Variants in PERM1 observed in about 807,000 individuals in gnomAD.
The protein encoded by PERM1 is PPARGC1 and ESRR induced regulator, muscle 1.
A neutral mutation model predicts 44.1 loss-of-function variants in PERM1; 45 were observed. The observed-to-expected ratio is 1.02, with a 90% CI of 0.80 to 1.31. The LOEUF is 1.31. PERM1 is among the 50% of genes most tolerant of loss of function. The probability of loss-of-function intolerance (pLI) is 0.00; values close to 1 mark genes in which losing one functional copy is unlikely to be tolerated. For missense variants in PERM1, 1,189 were observed against 1,106.9 expected, an observed-to-expected ratio of 1.07 and a Z score of -1.05; for synonymous variants, 565 against 477.1, an observed-to-expected ratio of 1.18 and a Z score of -2.40.
At chr1:979,533 G>A (rs1315303903) in exon 1 of PERM1, 2 of 1,549,878 alleles carry the variant, frequency 1.3e-6, no homozygotes, top group African/African-American at 1.4e-5. Context: ...TCTTCTTCCT[G>A]GGGACTTGGG....
rs1456760774 is a variant in PERM1, at chr1:980,090, C to T, written c.940G>A (p.Ala314Thr). The T allele has an allele frequency of 3.9e-6, 6 of 1,549,864 alleles. No homozygotes were observed. The South Asian group carries it at 7.1e-5, about 18-fold the overall frequency. The change falls in exon 1 of 3, where the codon GCT becomes ACT. Residue 314 changes from alanine (A) to threonine (T), a missense_variant. Around this residue, in one of 3 missense-constraint regions of PERM1, gnomAD observed 900 missense variants for 760.4 expected, o/e 1.18. Coordinates refer to ENST00000433179, the Ensembl canonical transcript of PERM1. Reference sequence around the variant, plus strand: ...GGCTCGGAGGCAGGTGTAGACACAGCCATGTCCCTGTCAGGTTGCGGCTCG... The same window carrying T: ...GGCTCGGAGGCAGGTGTAGACACAGTCATGTCCCTGTCAGGTTGCGGCTCG...
chr1:978,183 A>C (rs1309335171), intron 1 of PERM1, among the ~76,000 whole-genome samples: 1 of 113,290 alleles, frequency 8.8e-6, no homozygotes, highest in Non-Finnish European at 1.8e-5. Flanking sequence ...GCCCCACCCT[A>C]ACCCTGCACA....
chr1:979,875 A>G, exon 1 of PERM1: 2 of 1,549,268 alleles, frequency 1.3e-6, no homozygotes, highest in Non-Finnish European at 1.7e-6. Flanking sequence ...GTGTAGACAG[A>G]GCCACACTGG....
Position 979,298 on chromosome 1 carries a change from C to T in PERM1, c.1732G>A (p.Val578Met), listed in dbSNP as rs1331913555. 18 of 1,543,920 alleles carry T rather than the reference C, an allele frequency of 1.2e-5. No individual in the cohort carries two copies. The Admixed American group carries it at 1.2e-4, about 10-fold the overall frequency. ...AACTCGTAGGCCTCCGGGAGGGTCACGGCAAAGCTGCTCCCGGGCCCGACC... is the reference window on the plus strand; with the variant it reads ...AACTCGTAGGCCTCCGGGAGGGTCATGGCAAAGCTGCTCCCGGGCCCGACC... Residue 578 changes from valine to methionine, a missense_variant, in exon 1 of 3, where the codon GTG becomes ATG. Coordinates refer to ENST00000433179, the Ensembl canonical transcript of PERM1.
At chr1:979,895 C>T in exon 1 of PERM1, 1 of 1,550,062 alleles carries the variant, frequency 6.5e-7, no homozygotes, top group Non-Finnish European at 8.7e-7. Flanking sequence ...GACTGAGGCT[C>T]AGAAGCTGGT....
chr1:978,875 AC>A lies in PERM1; in HGVS notation c.2149+5del, dbSNP rs1643697435. Reference sequence around the variant, plus strand: ...TGGACGGGCTGTGGGATCCGAGAGCACGTACCTGCCCGTCTAAGAGCCAGGT... The same window carrying A: ...TGGACGGGCTGTGGGATCCGAGAGCAGTACCTGCCCGTCTAAGAGCCAGGT... On this transcript the variant is annotated splice_donor_5th_base_variant and intron_variant, in intron 1 of 2. Coordinates refer to ENST00000433179, the Ensembl canonical transcript of PERM1. 6.8e-7 allele frequency: 1 copy of A among 1,473,068 alleles called. No individual in the cohort carries two copies. Among genetic ancestry groups the A allele is most frequent in the African/African-American group, 1.4e-5 (1 of 70,454 alleles). 91.2% of individuals were successfully genotyped at this position (1,473,068 alleles called of 1,614,324 possible). A position where few individuals can be genotyped will look rare whatever the true frequency, so the allele number is the denominator to read the frequency against.
chr1:980,677 C>A, exon 1 of PERM1: 1 of 1,427,290 alleles, frequency 7.0e-7, no homozygotes, highest in Non-Finnish European at 9.1e-7. Flanking sequence ...AGGGCTGGCG[C>A]CGGGGCCGAG....
At chr1:980,949 G>A (rs1441667037) in exon 1 of PERM1, 1 of 1,445,932 alleles carries the variant, frequency 6.9e-7, no homozygotes, top group Non-Finnish European at 9.0e-7. Context: ...CGGCCTGCAG[G>A]AGGCCACACT....
At chr1:980,702 C>T in exon 1 of PERM1, 4 of 1,423,120 alleles carry the variant, frequency 2.8e-6, no homozygotes, top group Non-Finnish European at 3.7e-6. Flanking sequence ...GGTGGAGCTT[C>T]TGCCCGTGCG....
intron 1 of PERM1, among the ~76,000 whole-genome samples, chr1:978,549 T>TGA: frequency 6.6e-6 from 1 of 152,346 alleles, no homozygotes; most frequent in East Asian, 1.9e-4. Context: ...GACATCAGTG[T>TGA]GAGATGGGCC....
chr1:979,629 A>T, exon 1 of PERM1: 2 of 1,550,248 alleles, frequency 1.3e-6, no homozygotes, highest in Non-Finnish European at 1.7e-6. Context: ...CCACCACATC[A>T]GGCCCAGCTC....
chr1:980,637 C>A, exon 1 of PERM1: 1 of 1,441,074 alleles, frequency 6.9e-7, no homozygotes, highest in Non-Finnish European at 9.1e-7. Flanking sequence ...CAGAAGACGC[C>A]GGACCAGGGC....
At chr1:976,010 G>A in exon 3 of PERM1, 1 of 700,254 alleles carries the variant, frequency 1.4e-6, no homozygotes. Flanking sequence ...TCACTGGCTG[G>A]ATCCTCAGGT....
chr1:979,316 G>A, exon 1 of PERM1: 21 of 1,536,822 alleles, frequency 1.4e-5, no homozygotes, highest in Non-Finnish European at 1.8e-5. Context: ...CTGCTCCCGG[G>A]CCCGACCCTC....
chr1:980,187 G>C, exon 1 of PERM1: 1 of 1,550,446 alleles, frequency 6.4e-7, no homozygotes, highest in Non-Finnish European at 8.7e-7. Flanking sequence ...AGACAGTCGT[G>C]GACACTGTGT....
chr1:976,708 A>ACTC (rs1643624749), intron 1 of PERM1, 84 bp from the exon 3 acceptor site: 3 of 1,130,310 alleles, frequency 2.7e-6, no homozygotes, highest in African/African-American at 3.8e-5. Context: ...GCCTGCCCCC[A>ACTC]CCCCCACCAA....
exon 1 of PERM1, chr1:979,827 C>T (rs1557659714): frequency 6.5e-7 from 1 of 1,549,814 alleles, no homozygotes; most frequent in Non-Finnish European, 8.7e-7. Flanking sequence ...CAGGTGTGGA[C>T]ACAGCCACGT....
At chr1:976,696 C>T in intron 1 of PERM1, 72 bp from the exon 3 acceptor site, 3 of 1,523,772 alleles carry the variant, frequency 2.0e-6, no homozygotes, top group South Asian at 1.2e-5. Flanking sequence ...GCCCCGGGAA[C>T]CGCCTGCCCC....
rs1047633190 is a variant in PERM1, at chr1:979,906, G to A, written c.1124C>T (p.Thr375Ile). 4 of 1,550,334 alleles carry A rather than the reference G, an allele frequency of 2.6e-6. No individual in the cohort carries two copies. The Admixed American group carries it at 5.9e-5, about 23-fold the overall frequency. ...ACTGGACTGAGGCTCAGAAGCTGGT[G>A]TAGACACAGCCGTGTCAGATTGCGG... The change falls in exon 1 of 3, where the codon ACA becomes ATA. Residue 375 changes from threonine to isoleucine, a missense_variant. Thr to Ile is a moderately conservative substitution (Grantham distance 89). Transcript: ENST00000433179.
Sources: allele counts gnomAD v4.1 joint callset (sites outside exome capture counted in the v4.1 genomes callset), GRCh38; gene constraint gnomAD v4.1.1; regional missense constraint gnomAD v4.1.1; transcripts MANE v1.5; gene names NCBI Gene and HGNC (gene_info 2026-07-23, HGNC 2026-07-21).